Variants in NRG3 observed in about 807,000 individuals in gnomAD.
NRG3 encodes the protein neuregulin 3.
In NRG3, 31 loss-of-function variants were observed where a neutral mutation model predicts 66.9. That is an observed-to-expected ratio of 0.46 (90% CI 0.35 to 0.63). The LOEUF (loss-of-function observed/expected upper bound fraction) is 0.63, where lower values mean the gene tolerates loss of function less well. NRG3 is among the 20% of genes least tolerant of loss of function. The probability of loss-of-function intolerance (pLI) is 0.00; values close to 1 mark genes in which losing one functional copy is unlikely to be tolerated. For missense variants in NRG3, 910 were observed against 878.9 expected (o/e 1.04, Z -0.45); for synonymous variants, 393 against 359.4 (o/e 1.09, Z -1.06).
At chr10:82,742,919 G>A (rs1011069539) in intron 3 of NRG3, among the ~76,000 whole-genome samples, 2 of 152,046 alleles carry the variant, frequency 1.3e-5, no homozygotes, top group Non-Finnish European at 2.9e-5. Context: ...CCCCTCTCAT[G>A]AGCACATGCC....
At chr10:82,350,643 G>C (rs1326137368) in intron 1 of NRG3, among the ~76,000 whole-genome samples, 1 of 152,192 alleles carries the variant, frequency 6.6e-6, no homozygotes, top group East Asian at 1.9e-4. Flanking sequence ...TGTGTATGAG[G>C]TAAAGGGAAT....
intron 1 of NRG3, among the ~76,000 whole-genome samples, chr10:82,140,141 T>C (rs2069661295): frequency 6.6e-6 from 1 of 152,146 alleles, no homozygotes; most frequent in Non-Finnish European, 1.5e-5. Context: ...GTGTATATTT[T>C]AACTGTTAAT....
Position 82,340,452 on chromosome 10 carries a change from C to T in NRG3, c.824-18287C>T, listed in dbSNP as rs1433740788. 2.0e-5 allele frequency among the ~76,000 whole-genome samples: 3 copies of T among 152,084 alleles called. No individual in the cohort carries two copies. In the East Asian group the frequency reaches 5.8e-4, roughly 29 times the overall value. ...TTGCAATATCTATCCTTTCTTTATA[C>T]CCCAGGTGGAGAAGAAAGTGCTTGG... On this transcript the variant is annotated intron_variant, in intron 1 of 8. Coordinates refer to ENST00000372141, the MANE Select transcript of NRG3 (RefSeq NM_001010848.4).
chr10:82,580,340 C>T (rs1327741013), intron 2 of NRG3, among the ~76,000 whole-genome samples: 1 of 151,490 alleles, frequency 6.6e-6, no homozygotes, highest in Non-Finnish European at 1.5e-5. Flanking sequence ...ATAATCACTC[C>T]CCCCCCACAG....
At chr10:81,952,655 AG>A (rs1849481412) in intron 1 of NRG3, among the ~76,000 whole-genome samples, 1 of 151,990 alleles carries the variant, frequency 6.6e-6, no homozygotes, top group Non-Finnish European at 1.5e-5. Flanking sequence ...CCTGTGTTGG[AG>A]TAGAGTGTCA....
chr10:81,982,955 C>T (rs1167652292), intron 1 of NRG3, among the ~76,000 whole-genome samples: 3 of 152,174 alleles, frequency 2.0e-5, no homozygotes, highest in Non-Finnish European at 4.4e-5. Context: ...CCATGTAACA[C>T]TGTTGTATAT....
At position 82,258,499 on chromosome 10, in the gene NRG3, A is replaced by G. The variant is rs182141617; in HGVS notation, c.824-100240A>G. 7.6e-3 allele frequency among the ~76,000 whole-genome samples: 1,153 copies of G among 152,316 alleles called. 11 individuals are homozygous for G. The highest frequency in any genetic ancestry group is 0.023 in the African/African-American group (938 of 41,570). ...GGCAGGCATCCTTGTTGTATCTATC[A>G]TATGGATTTTCATGACACAGACTAA... On this transcript the variant is annotated intron_variant, in intron 1 of 8. Transcript: ENST00000372141.
chr10:82,723,338 A>G (rs2057411762), intron 2 of NRG3, among the ~76,000 whole-genome samples: 1 of 152,216 alleles, frequency 6.6e-6, no homozygotes, highest in South Asian at 2.1e-4. Context: ...GAGAGGGGCA[A>G]GGGTTGAAAA....
At chr10:82,564,670 G>A (rs2045278400) in intron 2 of NRG3, among the ~76,000 whole-genome samples, 1 of 151,954 alleles carries the variant, frequency 6.6e-6, no homozygotes, top group African/African-American at 2.4e-5. Flanking sequence ...AGGTGAATCC[G>A]GACACAAAGT....
intron 2 of NRG3, among the ~76,000 whole-genome samples, chr10:82,707,018 A>AATAAATATATATAT (rs1184688350): frequency 1.4e-5 from 2 of 141,330 alleles, no homozygotes; most frequent in African/African-American, 5.3e-5. Context: ...AAATAAAATA[A>AATAAATATATATAT]ATATATATAT....
intron 2 of NRG3, among the ~76,000 whole-genome samples, chr10:82,471,782 C>A (rs1359953650): frequency 6.6e-6 from 1 of 151,728 alleles, no homozygotes; most frequent in Non-Finnish European, 1.5e-5. Flanking sequence ...CCAGCTACTC[C>A]TGAGGCTGAG....
intron 4 of NRG3, among the ~76,000 whole-genome samples, chr10:82,885,045 A>G (rs1030370930): frequency 1.3e-5 from 2 of 152,192 alleles, no homozygotes; most frequent in African/African-American, 4.8e-5. Context: ...TCTCAGAACT[A>G]CAGTTCCAGA....
At chr10:82,014,212 C>A (rs765213747) in intron 1 of NRG3, among the ~76,000 whole-genome samples, 5 of 152,086 alleles carry the variant, frequency 3.3e-5, no homozygotes, top group Non-Finnish European at 5.9e-5. Context: ...CTGGGCAGTT[C>A]CTCTGTGCTA....
chr10:82,718,343 G>C (rs528390197), intron 2 of NRG3, among the ~76,000 whole-genome samples: 1 of 152,076 alleles, frequency 6.6e-6, no homozygotes, highest in Non-Finnish European at 1.5e-5. Context: ...TGTGGTTTCC[G>C]TATACCAAGA....
At chr10:81,905,299 G>A (rs1026777910) in intron 1 of NRG3, among the ~76,000 whole-genome samples, 1 of 151,932 alleles carries the variant, frequency 6.6e-6, no homozygotes, top group African/African-American at 2.4e-5. Context: ...GAGTTTTTTG[G>A]CAGCTTTTCC....
At chr10:82,660,072 T>G (rs1443154508) in intron 2 of NRG3, among the ~76,000 whole-genome samples, 1 of 151,150 alleles carries the variant, frequency 6.6e-6, no homozygotes, top group East Asian at 1.9e-4. Flanking sequence ...GGTGGTTGCC[T>G]GTAATCCCAG....
intron 1 of NRG3, among the ~76,000 whole-genome samples, chr10:82,246,509 G>A (rs1369087724): frequency 6.6e-6 from 1 of 152,204 alleles, no homozygotes; most frequent in East Asian, 1.9e-4. Flanking sequence ...GATAAATAAT[G>A]AGGGCACCTA....
At chr10:82,311,698 G>C (rs1379238480) in intron 1 of NRG3, among the ~76,000 whole-genome samples, 4 of 152,082 alleles carry the variant, frequency 2.6e-5, no homozygotes, top group African/African-American at 9.7e-5. Context: ...TACACTCCCT[G>C]CATTAACTCA....
intron 1 of NRG3, among the ~76,000 whole-genome samples, chr10:82,075,370 C>T (rs959076573): frequency 6.6e-6 from 1 of 152,038 alleles, no homozygotes; most frequent in Non-Finnish European, 1.5e-5. Flanking sequence ...GTTTTGTGAT[C>T]ATTTTGGGAA....
Sources: allele counts gnomAD v4.1 joint callset (sites outside exome capture counted in the v4.1 genomes callset), GRCh38; gene constraint gnomAD v4.1.1; transcripts MANE v1.5; gene names NCBI Gene and HGNC (gene_info 2026-07-23, HGNC 2026-07-21).